Variants in FIRRM observed in about 807,000 individuals in gnomAD.
FIRRM encodes FIGNL1-interacting regulator of recombination and mitosis.
the FIRRM span, chr1:169,853,703 AC>A: frequency 1.2e-6 from 2 of 1,612,408 alleles, no homozygotes; most frequent in Middle Eastern, 1.7e-4. Flanking sequence ...AGTTTAACTC[AC>A]ATCTATTGTC....
At chr1:169,830,119 C>T in the FIRRM span, 1 of 650,732 alleles carries the variant, frequency 1.5e-6, no homozygotes, top group Non-Finnish European at 2.6e-6. Flanking sequence ...CTTTCAGATA[C>T]TAGAAAGTAG....
chr1:169,810,011 G>A, the FIRRM span, among the ~76,000 whole-genome samples: 1 of 152,104 alleles, frequency 6.6e-6, no homozygotes, highest in African/African-American at 2.4e-5. Flanking sequence ...CAGTAGATTT[G>A]GTGTCTAACG....
chr1:169,822,217 A>G, the FIRRM span, among the ~76,000 whole-genome samples: 1 of 152,210 alleles, frequency 6.6e-6, no homozygotes, highest in Non-Finnish European at 1.5e-5. Context: ...AACCCAGTGT[A>G]AGAAGCAGCC....
chr1:169,799,361 A>G, the FIRRM span, among the ~76,000 whole-genome samples: 1 of 152,190 alleles, frequency 6.6e-6, no homozygotes, highest in African/African-American at 2.4e-5. Flanking sequence ...CAAATTTACC[A>G]TTTGGAGGAA....
the FIRRM span, among the ~76,000 whole-genome samples, chr1:169,811,412 G>C: frequency 6.6e-6 from 1 of 152,102 alleles, no homozygotes; most frequent in African/African-American, 2.4e-5. Context: ...CAGCACTTTT[G>C]AGAGGCCAAG....
At chr1:169,808,160 CTTTG>C in the FIRRM span, among the ~76,000 whole-genome samples, 2 of 152,112 alleles carry the variant, frequency 1.3e-5, no homozygotes, top group African/African-American at 4.8e-5. Flanking sequence ...CTGGCTCCCT[CTTTG>C]CTTGGTAACT....
At chr1:169,801,312 G>T in the FIRRM span, among the ~76,000 whole-genome samples, 1 of 152,034 alleles carries the variant, frequency 6.6e-6, no homozygotes, top group African/African-American at 2.4e-5. Flanking sequence ...GGACATGGTG[G>T]CAGGTGCCTG....
At chr1:169,827,766 T>C in the FIRRM span, 1 of 1,614,198 alleles carries the variant, frequency 6.2e-7, no homozygotes, top group Non-Finnish European at 8.5e-7. Context: ...TTGTCATGGA[T>C]AAGCTGCCAT....
chr1:169,843,250 C>A, the FIRRM span, among the ~76,000 whole-genome samples: 1 of 152,196 alleles, frequency 6.6e-6, no homozygotes, highest in Non-Finnish European at 1.5e-5. Context: ...GTTCACAAAT[C>A]ATTCAGTATT....
chr1:169,810,759 A>G, the FIRRM span, among the ~76,000 whole-genome samples: 156 of 151,312 alleles, frequency 1.0e-3, no homozygotes, highest in African/African-American at 3.7e-3. Flanking sequence ...TTAAGTCTTG[A>G]AATTGGTTTC....
chr1:169,798,958 C>G, the FIRRM span: 1 of 1,265,374 alleles, frequency 7.9e-7, no homozygotes, highest in Admixed American at 2.1e-5. Context: ...TGAGCATATT[C>G]GTAAGTAAAA....
the FIRRM span, chr1:169,805,930 T>G: frequency 2.5e-6 from 2 of 788,278 alleles, no homozygotes; most frequent in African/African-American, 1.7e-5. Flanking sequence ...GTTCAGTAGA[T>G]AGTTTTAATT....
the FIRRM span, chr1:169,794,900 G>T: frequency 5.3e-6 from 3 of 566,030 alleles, no homozygotes; most frequent in Admixed American, 9.1e-5. Flanking sequence ...CCTAAATCGC[G>T]CACCAGTGAG....
chr1:169,843,124 C>G, the FIRRM span, among the ~76,000 whole-genome samples: 2 of 152,168 alleles, frequency 1.3e-5, no homozygotes, highest in African/African-American at 2.4e-5. Flanking sequence ...CTAAAGGCAA[C>G]AGCCATACTT....
At chr1:169,825,202 A>G in the FIRRM span, among the ~76,000 whole-genome samples, 1 of 152,212 alleles carries the variant, frequency 6.6e-6, no homozygotes, top group Non-Finnish European at 1.5e-5. Flanking sequence ...GCCTCGCGCT[A>G]GTTTGTTCTC....
At chr1:169,789,880 A>C in the FIRRM span, among the ~76,000 whole-genome samples, 1 of 152,232 alleles carries the variant, frequency 6.6e-6, no homozygotes, top group African/African-American at 2.4e-5. Context: ...TAAAAATAAT[A>C]ATTTCCACTT....
chr1:169,793,136 G>A, the FIRRM span: 1 of 1,614,052 alleles, frequency 6.2e-7, no homozygotes, highest in Non-Finnish European at 8.5e-7. Context: ...TTTTTTCCCA[G>A]CAAATTTCAC....
chr1:169,840,889 T>A, the FIRRM span, among the ~76,000 whole-genome samples: 1 of 152,182 alleles, frequency 6.6e-6, no homozygotes, highest in South Asian at 2.1e-4. Flanking sequence ...TGATTTTGTA[T>A]CCTGAAACAG....
At chr1:169,795,075 G>C in the FIRRM span, 11 of 1,521,314 alleles carry the variant, frequency 7.2e-6, 1 homozygote, top group Middle Eastern at 1.7e-3. Context: ...GGCGGGTCTG[G>C]TTTGAAGCTC....
Sources: allele counts gnomAD v4.1 joint callset (sites outside exome capture counted in the v4.1 genomes callset), GRCh38; gene constraint gnomAD v4.1.1; transcripts MANE v1.5; gene names NCBI Gene and HGNC (gene_info 2026-07-23, HGNC 2026-07-21).